CDS2: variants seen among roughly 807,000 people sequenced by gnomAD.
The protein encoded by CDS2 is phosphatidate cytidylyltransferase 2.
CDS2 carries 47 observed loss-of-function variants against 59.0 expected under a neutral mutation model. The ratio of observed to expected loss-of-function variants is 0.80; its 90% CI spans 0.63 to 1.02. The LOEUF (loss-of-function observed/expected upper bound fraction) is 1.02. Ranked by LOEUF, CDS2 falls within the 50% of genes least tolerant of loss-of-function variation. CDS2 has a pLI of 0.00. For synonymous variants in CDS2, 207 were observed against 206.4 expected (o/e 1.00, Z -0.02); for missense variants, 356 against 558.9 (o/e 0.64, Z 3.66).
At chr20:5,150,218 G>A (rs977512589) in intron 1 of CDS2, among the ~76,000 whole-genome samples, 3 of 152,190 alleles carry the variant, frequency 2.0e-5, no homozygotes, top group Non-Finnish European at 1.5e-5. Context: ...TGGCTGCTCA[G>A]CAGGGCTGAC....
At chr20:5,153,234 TTGAGTC>T (rs2090806506) in intron 1 of CDS2, among the ~76,000 whole-genome samples, 1 of 152,214 alleles carries the variant, frequency 6.6e-6, no homozygotes, top group Non-Finnish European at 1.5e-5. Context: ...TCTTTTCTGT[TTGAGTC>T]TATCTTATAC....
intron 1 of CDS2, among the ~76,000 whole-genome samples, chr20:5,156,868 C>T (rs1160640126): frequency 2.0e-5 from 3 of 152,202 alleles, no homozygotes; most frequent in Admixed American, 1.3e-4. Context: ...TCATGCCTTC[C>T]TCCTGGTGGC....
At chr20:5,186,446 C>A (rs946954602) in intron 9 of CDS2, among the ~76,000 whole-genome samples, 1 of 151,934 alleles carries the variant, frequency 6.6e-6, no homozygotes, top group South Asian at 2.1e-4. Flanking sequence ...TCAGGTTTTC[C>A]CGGATTCTTT....
chr20:5,159,550 T>C (rs2090860961), intron 1 of CDS2, among the ~76,000 whole-genome samples: 1 of 152,170 alleles, frequency 6.6e-6, no homozygotes, highest in Non-Finnish European at 1.5e-5. Flanking sequence ...TTGTAAAGCA[T>C]CAGAAGAAAA....
intron 1 of CDS2, among the ~76,000 whole-genome samples, chr20:5,173,309 C>T (rs913086013): frequency 2.6e-5 from 4 of 152,240 alleles, no homozygotes; most frequent in African/African-American, 4.8e-5. Context: ...CAGATGCACA[C>T]CTCTCTTCCA....
intron 5 of CDS2, among the ~76,000 whole-genome samples, chr20:5,181,051 C>T (rs1417933378): frequency 6.6e-6 from 1 of 152,034 alleles, no homozygotes; most frequent in African/African-American, 2.4e-5. Context: ...AATAGTACAA[C>T]TATTCCATAT....
At chr20:5,130,955 G>C (rs562532557) in intron 1 of CDS2, among the ~76,000 whole-genome samples, 1 of 152,040 alleles carries the variant, frequency 6.6e-6, no homozygotes, top group Non-Finnish European at 1.5e-5. Context: ...GCCGGGCGTG[G>C]TGGTGGGCGC....
Position 5,192,199 on chromosome 20 carries a change from A to G in CDS2, c.*1965A>G, listed in dbSNP as rs898151380. 1.3e-5 allele frequency: 2 copies of G among 152,308 alleles called. No individual in the cohort carries two copies. Among genetic ancestry groups the G allele is most frequent in the African/African-American group, 4.8e-5 (2 of 41,428 alleles). The allele number at this position is 152,308 out of a possible 1,614,324, so 9.4% of individuals were successfully genotyped here. A position where few individuals can be genotyped will look rare whatever the true frequency, so the allele number is the denominator to read the frequency against. On this transcript the variant is annotated 3_prime_UTR_variant, in exon 13 of 13. Coordinates refer to ENST00000460006, the MANE Select transcript of CDS2 (RefSeq NM_003818.4). ...TTGTCTCTTTTGTCCCATTGTGGGCATATGGTGGGCTCCTTGAGAGGAGGG... is the reference window on the plus strand; with the variant it reads ...TTGTCTCTTTTGTCCCATTGTGGGCGTATGGTGGGCTCCTTGAGAGGAGGG...
chr20:5,127,249 G>A, intron 1 of CDS2, 100 bp downstream of exon 1: 1 of 1,105,650 alleles, frequency 9.0e-7, no homozygotes, highest in Non-Finnish European at 1.2e-6. Context: ...CTGACCCTTT[G>A]TCGCAGCCGA....
At chr20:5,130,265 G>A (rs541982202) in intron 1 of CDS2, among the ~76,000 whole-genome samples, 75 of 152,048 alleles carry the variant, frequency 4.9e-4, no homozygotes, top group Non-Finnish European at 9.1e-4. Context: ...GTGAGCCACC[G>A]TGCCCGGCCC....
At chr20:5,140,719 C>T (rs1356975307) in intron 1 of CDS2, among the ~76,000 whole-genome samples, 1 of 152,220 alleles carries the variant, frequency 6.6e-6, no homozygotes, top group Non-Finnish European at 1.5e-5. Flanking sequence ...AATTTCCAAT[C>T]CCCAATGAAT....
intron 9 of CDS2, among the ~76,000 whole-genome samples, chr20:5,186,460 G>C (rs529187587): frequency 1.3e-5 from 2 of 152,084 alleles, no homozygotes; most frequent in African/African-American, 4.8e-5. Context: ...ATTCTTTCGG[G>C]GCCTGGGTGT....
intron 1 of CDS2, among the ~76,000 whole-genome samples, chr20:5,162,661 G>A (rs959424720): frequency 6.6e-6 from 1 of 152,132 alleles, no homozygotes; most frequent in East Asian, 1.9e-4. Flanking sequence ...CATGGAATTG[G>A]TAATTAAAGC....
chr20:5,134,036 C>G (rs190498879), intron 1 of CDS2, among the ~76,000 whole-genome samples: 168 of 152,238 alleles, frequency 1.1e-3, no homozygotes, highest in Non-Finnish European at 1.9e-3. Flanking sequence ...AATGTGGAGA[C>G]TCTTTGCAGA....
chr20:5,132,595 AT>A (rs2090616401), intron 1 of CDS2, among the ~76,000 whole-genome samples: 1 of 152,100 alleles, frequency 6.6e-6, no homozygotes, highest in African/African-American at 2.4e-5. Flanking sequence ...GAAATGCTTA[AT>A]TTTTTTCAAG....
At chr20:5,133,521 G>C (rs2090624717) in intron 1 of CDS2, among the ~76,000 whole-genome samples, 1 of 151,534 alleles carries the variant, frequency 6.6e-6, no homozygotes, top group Non-Finnish European at 1.5e-5. Flanking sequence ...GTATTATGAA[G>C]GTCTTCTATT....
intron 1 of CDS2, among the ~76,000 whole-genome samples, chr20:5,131,028 G>C (rs1024265602): frequency 1.2e-4 from 18 of 151,108 alleles, no homozygotes; most frequent in African/African-American, 4.4e-4. Flanking sequence ...GGGAGGCGGA[G>C]CTTGCAGTGA....
chr20:5,175,298 T>G lies in CDS2; in HGVS notation c.291+19T>G, dbSNP rs1262547131. The G allele has an allele frequency of 1.9e-6, 3 of 1,595,932 alleles. No homozygotes were observed. The Admixed American group carries it at 5.0e-5, about 27-fold the overall frequency. On this transcript the variant is annotated intron_variant, in intron 3 of 12. Coordinates refer to ENST00000460006, the MANE Select transcript of CDS2 (RefSeq NM_003818.4). ...GATAATCGTAAGTGCCATTTCACAC[T>G]ATTTTAGTTTTCCCTTCAGTTTTTG...
At chr20:5,182,983 C>T in intron 6 of CDS2, 78 bp from the exon 7 acceptor site, 1 of 1,171,626 alleles carries the variant, frequency 8.5e-7, no homozygotes, top group East Asian at 2.4e-5. Context: ...CAGCAGTTTT[C>T]TATTTGGTAT....
Sources: allele counts gnomAD v4.1 joint callset (sites outside exome capture counted in the v4.1 genomes callset), GRCh38; gene constraint gnomAD v4.1.1; transcripts MANE v1.5; gene names NCBI Gene and HGNC (gene_info 2026-07-23, HGNC 2026-07-21).